The following GPRASP3 variants were observed in gnomAD, a reference collection of about 807,000 sequenced individuals.
GPRASP3 encodes G protein-coupled receptor associated sorting protein 3.
the GPRASP3 span, among the ~76,000 whole-genome samples, chrX:102,739,301 C>T: frequency 2.7e-5 from 3 of 111,486 alleles, no homozygotes; most frequent in African/African-American, 9.8e-5. Context: ...TTCTTAGAAG[C>T]CTGTTTCTCT....
the GPRASP3 span, among the ~76,000 whole-genome samples, chrX:102,738,144 T>C: frequency 3.6e-5 from 4 of 112,122 alleles, no homozygotes; most frequent in African/African-American, 1.3e-4. Context: ...TTTGAGGAAA[T>C]TAAAATTTTC....
the GPRASP3 span, chrX:102,747,931 C>T: frequency 2.7e-5 from 3 of 111,745 alleles, no homozygotes; most frequent in Admixed American, 2.8e-4. Flanking sequence ...TGTGTGAGCA[C>T]CCCCGTTGAT....
chrX:102,735,403 CTTTTT>C, the GPRASP3 span, among the ~76,000 whole-genome samples: 1 of 94,491 alleles, frequency 1.1e-5, no homozygotes, highest in East Asian at 3.2e-4. Flanking sequence ...CACAGAATCT[CTTTTT>C]TTTTTTTTTT....
the GPRASP3 span, among the ~76,000 whole-genome samples, chrX:102,745,756 C>A: frequency 9.0e-6 from 1 of 111,020 alleles, no homozygotes; most frequent in Non-Finnish European, 1.9e-5. Flanking sequence ...TGCCTGGGTC[C>A]CCAGCCGCCC....
chrX:102,723,806 G>A, the GPRASP3 span, among the ~76,000 whole-genome samples: 2 of 111,498 alleles, frequency 1.8e-5, no homozygotes, highest in Non-Finnish European at 3.8e-5. Context: ...GGAAGGTAGT[G>A]GGGCTAGGTA....
the GPRASP3 span, chrX:102,748,736 T>C: frequency 3.6e-6 from 1 of 279,310 alleles, no homozygotes; most frequent in African/African-American, 2.7e-5. Context: ...CTTTGGATTG[T>C]TGGAAGACCA....
chrX:102,745,259 G>A, the GPRASP3 span, among the ~76,000 whole-genome samples: 1 of 111,416 alleles, frequency 9.0e-6, no homozygotes, highest in Non-Finnish European at 1.9e-5. Flanking sequence ...TGGGGACGGC[G>A]CAATGCCAAC....
chrX:102,724,998 T>A, the GPRASP3 span, among the ~76,000 whole-genome samples: 7 of 111,377 alleles, frequency 6.3e-5, no homozygotes, highest in African/African-American at 2.3e-4. Flanking sequence ...CTGTCTAGTC[T>A]GGACTTTTAG....
the GPRASP3 span, chrX:102,753,099 A>G: frequency 1.6e-5 from 2 of 122,128 alleles, no homozygotes; most frequent in African/African-American, 3.3e-5. Context: ...AAAGCTTCTT[A>G]ATGCCCTTTT....
the GPRASP3 span, among the ~76,000 whole-genome samples, chrX:102,736,980 G>A: frequency 3.6e-5 from 4 of 111,665 alleles, no homozygotes; most frequent in African/African-American, 1.3e-4. Context: ...CCCAAAACGG[G>A]GTCTGTGGCA....
chrX:102,745,825 G>T, the GPRASP3 span, among the ~76,000 whole-genome samples: 1 of 110,976 alleles, frequency 9.0e-6, no homozygotes, highest in Non-Finnish European at 1.9e-5. Flanking sequence ...CCACGTTAGG[G>T]TCCGCGGGGG....
At chrX:102,727,515 T>C in the GPRASP3 span, among the ~76,000 whole-genome samples, 1 of 112,114 alleles carries the variant, frequency 8.9e-6, no homozygotes, top group Non-Finnish European at 1.9e-5. Flanking sequence ...GGAATTAGCC[T>C]CTCTGTGACA....
chrX:102,746,887 C>T, the GPRASP3 span, among the ~76,000 whole-genome samples: 2 of 112,678 alleles, frequency 1.8e-5, no homozygotes, highest in Non-Finnish European at 3.7e-5. Context: ...AGTCGAATTT[C>T]ACAACAGTGG....
the GPRASP3 span, among the ~76,000 whole-genome samples, chrX:102,729,040 G>A: frequency 0.024 from 2,689 of 112,039 alleles, 76 homozygotes; most frequent in African/African-American, 0.083. Context: ...AATTGCTGGA[G>A]ACTGAGTGTG....
At chrX:102,753,170 T>A in the GPRASP3 span, 2 of 122,867 alleles carry the variant, frequency 1.6e-5, 1 homozygote, top group Admixed American at 1.9e-4. Flanking sequence ...GGACATTTTC[T>A]GACAAAATAG....
At chrX:102,730,042 C>A in the GPRASP3 span, among the ~76,000 whole-genome samples, 1 of 111,813 alleles carries the variant, frequency 8.9e-6, no homozygotes, top group African/African-American at 3.3e-5. Context: ...TACTTTATTT[C>A]TATTATTATT....
At chrX:102,728,210 T>A in the GPRASP3 span, among the ~76,000 whole-genome samples, 17 of 111,472 alleles carry the variant, frequency 1.5e-4, no homozygotes, top group East Asian at 4.8e-3. Context: ...ATATATATAT[T>A]TTTCAATTTT....
At chrX:102,749,394 C>G in the GPRASP3 span, 1 of 1,211,950 alleles carries the variant, frequency 8.3e-7, no homozygotes, top group Non-Finnish European at 1.1e-6. Context: ...GTAATAGTTT[C>G]AGCACTAAGA....
chrX:102,726,258 T>A, the GPRASP3 span, among the ~76,000 whole-genome samples: 3 of 112,319 alleles, frequency 2.7e-5, no homozygotes, highest in Non-Finnish European at 5.6e-5. Flanking sequence ...CATTCCCACC[T>A]TTGTGGTTTG....
Sources: allele counts gnomAD v4.1 joint callset (sites outside exome capture counted in the v4.1 genomes callset), GRCh38; gene constraint gnomAD v4.1.1; transcripts MANE v1.5; gene names NCBI Gene and HGNC (gene_info 2026-07-23, HGNC 2026-07-21).